SLC2A9: variants seen among roughly 807,000 people sequenced by gnomAD.
SLC2A9 encodes the protein solute carrier family 2, facilitated glucose transporter member 9.
SLC2A9 carries 39 observed loss-of-function variants against 50.6 expected under a neutral mutation model. The ratio of observed to expected loss-of-function variants is 0.77; its 90% CI spans 0.60 to 1.01. The LOEUF (loss-of-function observed/expected upper bound fraction) is 1.01. SLC2A9 is among the 50% of genes least tolerant of loss of function. The pLI is 0.00. For missense variants in SLC2A9, 686 were observed against 677.6 expected (o/e 1.01, Z -0.14); for synonymous variants, 324 against 276.9 (o/e 1.17, Z -1.69).
intron 10 of SLC2A9, among the ~76,000 whole-genome samples, chr4:9,851,175 G>A (rs149990767): frequency 1.3e-5 from 2 of 152,336 alleles, no homozygotes; most frequent in Non-Finnish European, 2.9e-5. Context: ...ACCCATCGAA[G>A]TGTTGTGGTC....
At chr4:9,805,865 T>C (rs1722054615) in intron 3 of SLC2A9, among the ~76,000 whole-genome samples, 1 of 152,204 alleles carries the variant, frequency 6.6e-6, no homozygotes, top group Non-Finnish European at 1.5e-5. Flanking sequence ...TAGCAACTAA[T>C]GTTCTCACTA....
intron 5 of SLC2A9, among the ~76,000 whole-genome samples, chr4:9,961,812 T>C (rs1752317046): frequency 6.6e-6 from 1 of 152,136 alleles, no homozygotes; most frequent in Non-Finnish European, 1.5e-5. Flanking sequence ...AATCTATCCA[T>C]CTGACAGAGG....
intron 3 of SLC2A9, among the ~76,000 whole-genome samples, chr4:9,791,285 C>A (rs1433676539): frequency 6.6e-6 from 1 of 152,188 alleles, no homozygotes; most frequent in Non-Finnish European, 1.5e-5. Flanking sequence ...CATTAAACAT[C>A]TAGAGAAAAA....
At chr4:9,917,184 G>A (rs1743001031) in intron 7 of SLC2A9, among the ~76,000 whole-genome samples, 1 of 152,094 alleles carries the variant, frequency 6.6e-6, no homozygotes, top group Non-Finnish European at 1.5e-5. Context: ...GTCACTTTAA[G>A]CGACAGGTCT....
intron 4 of SLC2A9, among the ~76,000 whole-genome samples, chr4:9,983,729 T>C (rs1214977740): frequency 1.3e-5 from 2 of 152,222 alleles, no homozygotes; most frequent in South Asian, 4.1e-4. Flanking sequence ...CCATTAAGTT[T>C]TGTTTTGTTT....
At chr4:9,839,969 A>G (rs941608732) in intron 10 of SLC2A9, among the ~76,000 whole-genome samples, 2 of 152,174 alleles carry the variant, frequency 1.3e-5, no homozygotes, top group African/African-American at 4.8e-5. Context: ...TGTACCCCGA[A>G]CTTAAAAATA....
intron 8 of SLC2A9, among the ~76,000 whole-genome samples, chr4:9,894,070 C>T (rs185049503): frequency 6.6e-6 from 1 of 152,316 alleles, no homozygotes; most frequent in Non-Finnish European, 1.5e-5. Context: ...CCCTTGGACT[C>T]AGTCACTCAC....
intron 3 of SLC2A9, among the ~76,000 whole-genome samples, chr4:9,805,760 T>G (rs894030335): frequency 6.6e-6 from 1 of 151,552 alleles, no homozygotes; most frequent in Admixed American, 6.6e-5. Flanking sequence ...CCACTCTATC[T>G]TCCATAACTA....
chr4:9,854,821 T>G (rs762300020), intron 10 of SLC2A9, among the ~76,000 whole-genome samples: 1 of 152,218 alleles, frequency 6.6e-6, no homozygotes, highest in Non-Finnish European at 1.5e-5. Context: ...TACAAATCAA[T>G]AGATGTGACT....
chr4:9,872,009 A>C (rs1366407728), intron 10 of SLC2A9, among the ~76,000 whole-genome samples: 1 of 152,118 alleles, frequency 6.6e-6, no homozygotes, highest in Non-Finnish European at 1.5e-5. Flanking sequence ...AAATATGTGG[A>C]AATGCTGTCC....
At chr4:10,025,934 ATCT>A (rs1186883598), upstream of SLC2A9, 3 of 1,613,686 alleles carry the variant, frequency 1.9e-6, no homozygotes, top group African/African-American at 2.7e-5. Context: ...CACTTTCTTC[ATCT>A]TCTCCTCGGT....
chr4:9,829,772 T>G (rs1320897083), intron 11 of SLC2A9, among the ~76,000 whole-genome samples: 1 of 152,078 alleles, frequency 6.6e-6, no homozygotes, highest in African/African-American at 2.4e-5. Context: ...AAGCTCAACA[T>G]CACTGATCAT....
chr4:9,959,811 C>T (rs867738401), intron 5 of SLC2A9, among the ~76,000 whole-genome samples: 3 of 152,304 alleles, frequency 2.0e-5, no homozygotes, highest in Middle Eastern at 3.4e-3. Flanking sequence ...CTCTCAGGCT[C>T]CATTTGCTGT....
intron 3 of SLC2A9, among the ~76,000 whole-genome samples, chr4:9,819,357 T>A (rs899219020): frequency 6.6e-6 from 1 of 152,156 alleles, no homozygotes; most frequent in Non-Finnish European, 1.5e-5. Context: ...CTATGAGGAT[T>A]TTTTATTTTA....
chr4:10,031,614 A>G (rs898965067), intron 1 of SLC2A9, among the ~76,000 whole-genome samples: 6 of 152,202 alleles, frequency 3.9e-5, no homozygotes, highest in African/African-American at 1.4e-4. Context: ...CCCCAAATCT[A>G]TTTCATTTTT....
chr4:9,970,474 A>C (rs1016845228), intron 5 of SLC2A9, among the ~76,000 whole-genome samples: 2 of 151,994 alleles, frequency 1.3e-5, no homozygotes, highest in Non-Finnish European at 2.9e-5. Context: ...TTTGGGGTGG[A>C]CCAGGAGGGG....
chr4:9,839,989 A>G (rs1275771927), intron 10 of SLC2A9, among the ~76,000 whole-genome samples: 1 of 152,224 alleles, frequency 6.6e-6, no homozygotes, highest in Non-Finnish European at 1.5e-5. Flanking sequence ...AAAAGTTTAA[A>G]AAAGCACTTT....
At chr4:9,997,004 A>G in intron 2 of SLC2A9, 63 bp from the exon 3 acceptor site, 1 of 1,592,868 alleles carries the variant, frequency 6.3e-7, no homozygotes, top group East Asian at 2.2e-5. Context: ...GAAGCAAGCC[A>G]GTGTACAAAA....
At chr4:9,816,974 T>C (rs932724403) in intron 3 of SLC2A9, among the ~76,000 whole-genome samples, 1 of 152,202 alleles carries the variant, frequency 6.6e-6, no homozygotes, top group Admixed American at 6.5e-5. Flanking sequence ...TACATTTCTT[T>C]TCCTTTTCCA....
Sources: gnomAD v4.1 joint callset for allele counts (sites outside exome capture counted in the v4.1 genomes callset) on GRCh38, gnomAD v4.1.1 for gene constraint, MANE v1.5 for transcripts, NCBI Gene and HGNC (gene_info 2026-07-23, HGNC 2026-07-21) for gene names.